SPRED1: variants seen among roughly 807,000 people sequenced by gnomAD.
SPRED1 encodes sprouty-related, EVH1 domain-containing protein 1.
In SPRED1, 18 loss-of-function variants were observed where a neutral mutation model predicts 52.3. The ratio of observed to expected loss-of-function variants is 0.34; its 90% CI spans 0.24 to 0.51. SPRED1 has a LOEUF of 0.51. Ranked by LOEUF, SPRED1 falls within the 20% of genes least tolerant of loss-of-function variation. SPRED1 has a pLI of 0.97. For missense variants in SPRED1, 485 were observed against 551.0 expected, an observed-to-expected ratio of 0.88 and a Z score of 1.20; for synonymous variants, 155 against 179.7, an observed-to-expected ratio of 0.86 and a Z score of 1.10.
chr15:38,287,681 C>T (rs1894839077), intron 1 of SPRED1, among the ~76,000 whole-genome samples: 1 of 152,100 alleles, frequency 6.6e-6, no homozygotes, highest in African/African-American at 2.4e-5. Context: ...GTACACACTT[C>T]AAAATCTTAT....
intron 1 of SPRED1, among the ~76,000 whole-genome samples, chr15:38,285,927 C>T (rs1019180495): frequency 2.0e-5 from 3 of 152,296 alleles, no homozygotes; most frequent in Middle Eastern, 3.4e-3. Context: ...CTTACTCATT[C>T]ATGCCCTTTA....
intron 5 of SPRED1, among the ~76,000 whole-genome samples, chr15:38,345,794 G>C (rs1297695490): frequency 1.3e-5 from 2 of 152,062 alleles, no homozygotes; most frequent in Non-Finnish European, 2.9e-5. Context: ...TACTGTCTTT[G>C]TTATACTGGA....
intron 1 of SPRED1, among the ~76,000 whole-genome samples, chr15:38,266,841 A>T (rs1595714660): frequency 7.9e-6 from 1 of 125,988 alleles, no homozygotes; most frequent in South Asian, 2.7e-4. Flanking sequence ...CAAAAAGAAA[A>T]AAAAAAAATT....
chr15:38,322,812 G>A (rs1257356399), intron 3 of SPRED1, among the ~76,000 whole-genome samples: 2 of 152,116 alleles, frequency 1.3e-5, no homozygotes, highest in African/African-American at 4.8e-5. Context: ...ATATTCAAAT[G>A]TATGTAGACT....
chr15:38,331,347 G>T (rs1759415929), intron 4 of SPRED1, among the ~76,000 whole-genome samples: 1 of 151,744 alleles, frequency 6.6e-6, no homozygotes, highest in African/African-American at 2.4e-5. Flanking sequence ...TAAACTTTTT[G>T]CTCTTGTGGA....
At chr15:38,334,211 C>G (rs962302326) in intron 4 of SPRED1, among the ~76,000 whole-genome samples, 29 of 151,850 alleles carry the variant, frequency 1.9e-4, no homozygotes, top group Admixed American at 1.1e-3. Context: ...GCATCTATAA[C>G]TAAATATTGT....
intron 1 of SPRED1, among the ~76,000 whole-genome samples, chr15:38,296,260 T>C (rs1309627733): frequency 6.6e-6 from 1 of 152,094 alleles, no homozygotes; most frequent in Non-Finnish European, 1.5e-5. Flanking sequence ...TCACTTTAGG[T>C]GAAGGACACT....
At chr15:38,348,527 A>G (rs980841840) in intron 5 of SPRED1, among the ~76,000 whole-genome samples, 8 of 152,084 alleles carry the variant, frequency 5.3e-5, no homozygotes, top group Admixed American at 2.6e-4. Context: ...AAGGTCTAAG[A>G]TGGAAGGAAG....
At chr15:38,292,873 T>G (rs1340564672) in intron 1 of SPRED1, among the ~76,000 whole-genome samples, 1 of 152,130 alleles carries the variant, frequency 6.6e-6, no homozygotes, top group Non-Finnish European at 1.5e-5. Context: ...GAGACAAATT[T>G]AGACAATTTG....
chr15:38,329,895 A>AGATG (rs1491196216), intron 4 of SPRED1, among the ~76,000 whole-genome samples: 2 of 152,146 alleles, frequency 1.3e-5, no homozygotes, highest in African/African-American at 4.8e-5. Context: ...GTCTAACTTC[A>AGATG]GAGTCTTTGA....
intron 2 of SPRED1, among the ~76,000 whole-genome samples, chr15:38,304,054 T>A (rs956757280): frequency 2.0e-5 from 3 of 152,228 alleles, no homozygotes; most frequent in Admixed American, 6.5e-5. Context: ...AAAGAGCATG[T>A]TTTAAAAATA....
rs191851377 is a variant in SPRED1 at position 38,347,696 on chromosome 15, A to G, written c.583-1726A>G. ...CTTTGTATTTTCTTTGTGAAAAGAT[A>G]ATACATATTTTATAGGATTATTTCT... is the stretch of plus-strand genomic sequence containing the variant. On this transcript the variant is annotated intron_variant, in intron 5 of 6. Coordinates refer to ENST00000299084, the MANE Select transcript of SPRED1 (RefSeq NM_152594.3). 1.7e-3 allele frequency among the ~76,000 whole-genome samples: 253 copies of G among 152,086 alleles called. 1 individual carries two copies. The highest frequency in any genetic ancestry group is 5.9e-3 in the African/African-American group (246 of 41,526).
intron 1 of SPRED1, among the ~76,000 whole-genome samples, chr15:38,289,452 T>C (rs1338445755): frequency 6.6e-6 from 1 of 151,804 alleles, no homozygotes; most frequent in Non-Finnish European, 1.5e-5. Flanking sequence ...GTAGACAGAA[T>C]ATGTCCTGCC....
chr15:38,271,559 T>G (rs2140956875), intron 1 of SPRED1, among the ~76,000 whole-genome samples: 1 of 152,278 alleles, frequency 6.6e-6, no homozygotes, highest in East Asian at 1.9e-4. Context: ...GTTCCAGGTG[T>G]TAGGACAGTA....
In SPRED1 at chr15:38,352,941, G is replaced by C. The variant is rs779337443; in HGVS notation, c.*1277G>C. 2.6e-5 allele frequency: 4 copies of C among 152,062 alleles called. No individual in the cohort carries two copies. The highest frequency in any genetic ancestry group is 5.9e-5 in the Non-Finnish European group (4 of 67,936). 9.4% of individuals were successfully genotyped at this position (152,062 alleles called of 1,614,324 possible). ...CATATAAATTTATTTCTTTTGCAGAGCATTATATTACTGGATGTTTAATTT... is the reference window on the plus strand; with the variant it reads ...CATATAAATTTATTTCTTTTGCAGACCATTATATTACTGGATGTTTAATTT... On this transcript the variant is annotated 3_prime_UTR_variant, in exon 7 of 7. Transcript: ENST00000299084.
At chr15:38,300,524 A>G (rs1456011969) in intron 2 of SPRED1, among the ~76,000 whole-genome samples, 1 of 152,022 alleles carries the variant, frequency 6.6e-6, no homozygotes, top group African/African-American at 2.4e-5. Flanking sequence ...TGGTTTCTTC[A>G]TATTTTTTTT....
At chr15:38,348,632 A>G (rs984824152) in intron 5 of SPRED1, among the ~76,000 whole-genome samples, 4 of 152,136 alleles carry the variant, frequency 2.6e-5, no homozygotes, top group African/African-American at 9.6e-5. Flanking sequence ...TTAAGTATGT[A>G]ACAGTAGGAG....
intron 2 of SPRED1, among the ~76,000 whole-genome samples, chr15:38,307,305 G>A (rs1325280298): frequency 5.9e-5 from 9 of 152,108 alleles, no homozygotes; most frequent in Non-Finnish European, 1.0e-4. Context: ...ACAAAATAAC[G>A]TAGACTGAAT....
At chr15:38,302,729 G>T (rs931351167) in intron 2 of SPRED1, among the ~76,000 whole-genome samples, 25 of 152,086 alleles carry the variant, frequency 1.6e-4, no homozygotes, top group African/African-American at 6.0e-4. Flanking sequence ...CTGCATAATT[G>T]GCTTTCATGC....
Sources: gnomAD v4.1 joint callset for allele counts (sites outside exome capture counted in the v4.1 genomes callset) on GRCh38, gnomAD v4.1.1 for gene constraint, MANE v1.5 for transcripts, NCBI Gene and HGNC (gene_info 2026-07-23, HGNC 2026-07-21) for gene names.